Variants in KLF8 observed in about 807,000 individuals in gnomAD.
KLF8 encodes the protein KLF transcription factor 8, also known as Krueppel-like factor 8.
A neutral mutation model predicts 18.2 loss-of-function variants in KLF8; 10 were observed. The observed-to-expected ratio is 0.55, with a 90% CI of 0.34 to 0.93. The LOEUF (loss-of-function observed/expected upper bound fraction) is 0.93, where lower values mean the gene tolerates loss of function less well. Ranked by LOEUF, KLF8 falls within the 40% of genes least tolerant of loss-of-function variation. KLF8 has a pLI of 0.02. For missense variants in KLF8, 264 were observed against 277.9 expected (o/e 0.95, Z 0.36); for synonymous variants, 109 against 97.3 (o/e 1.12, Z -0.71).
At chrX:56,187,233 T>C in the KLF8 span, among the ~76,000 whole-genome samples, 1 of 111,773 alleles carries the variant, frequency 8.9e-6, no homozygotes, top group Admixed American at 9.5e-5. Context: ...CATCAGAGAA[T>C]ACTATAAACA....
the KLF8 span, among the ~76,000 whole-genome samples, chrX:56,126,726 CTCTTTT>C: frequency 9.7e-5 from 10 of 103,516 alleles, no homozygotes; most frequent in Admixed American, 9.8e-4. Flanking sequence ...CACTTTCTTT[CTCTTTT>C]TCTTTTTCTT....
chrX:56,219,363 A>G, the KLF8 span, among the ~76,000 whole-genome samples: 1 of 110,954 alleles, frequency 9.0e-6, no homozygotes, highest in South Asian at 3.9e-4. Flanking sequence ...TTAGTGGCCA[A>G]TTATGACAGT....
the KLF8 span, among the ~76,000 whole-genome samples, chrX:56,215,730 G>A: frequency 2.0e-5 from 2 of 100,800 alleles, no homozygotes; most frequent in Non-Finnish European, 3.9e-5. Context: ...GGCTGAGGCA[G>A]GATAATTGCT....
the KLF8 span, among the ~76,000 whole-genome samples, chrX:56,137,239 G>A: frequency 9.2e-6 from 1 of 109,259 alleles, no homozygotes; most frequent in Non-Finnish European, 1.9e-5. Flanking sequence ...ATTTGACCCA[G>A]CCATCCCATT....
intron 1 of KLF8, chrX:56,243,137 A>G (rs927755093): frequency 4.2e-5 from 22 of 518,678 alleles, no homozygotes; most frequent in Admixed American, 4.6e-5. Context: ...GTTGTCTCCT[A>G]TCTTCTTCAT....
At chrX:56,207,811 C>T in the KLF8 span, among the ~76,000 whole-genome samples, 3 of 110,356 alleles carry the variant, frequency 2.7e-5, no homozygotes, top group Admixed American at 2.9e-4. Context: ...ACACCCCACT[C>T]TACCAATACC....
At chrX:56,046,846 T>A in the KLF8 span, among the ~76,000 whole-genome samples, 1 of 111,482 alleles carries the variant, frequency 9.0e-6, no homozygotes, top group Non-Finnish European at 1.9e-5. Context: ...ACCTGATGAC[T>A]ATGTGCTTAG....
At chrX:56,050,457 G>C in the KLF8 span, among the ~76,000 whole-genome samples, 3 of 111,736 alleles carry the variant, frequency 2.7e-5, no homozygotes, top group Non-Finnish European at 5.7e-5. Flanking sequence ...CAGAGATTCT[G>C]GTATGTTGTG....
the KLF8 span, among the ~76,000 whole-genome samples, chrX:56,122,211 T>C: frequency 1.8e-5 from 2 of 111,015 alleles, no homozygotes; most frequent in Non-Finnish European, 3.8e-5. Context: ...GACTGACATA[T>C]ATGAAAAAAA....
At chrX:56,255,453 T>C (rs2066778513) in intron 2 of KLF8, among the ~76,000 whole-genome samples, 1 of 112,586 alleles carries the variant, frequency 8.9e-6, no homozygotes, top group Admixed American at 9.4e-5. Context: ...CTATGTGGAA[T>C]AACAGTGTTG....
At chrX:56,046,492 G>A in the KLF8 span, among the ~76,000 whole-genome samples, 2 of 110,338 alleles carry the variant, frequency 1.8e-5, no homozygotes, top group Non-Finnish European at 3.8e-5. Context: ...GTGTGTTTTT[G>A]TTGTATATGT....
the KLF8 span, among the ~76,000 whole-genome samples, chrX:56,190,383 G>T: frequency 2.7e-5 from 3 of 111,499 alleles, no homozygotes; most frequent in African/African-American, 9.8e-5. Context: ...ATTAGAGCTG[G>T]AGACTCCTGT....
At chrX:56,125,384 T>C in the KLF8 span, among the ~76,000 whole-genome samples, 1 of 111,847 alleles carries the variant, frequency 8.9e-6, no homozygotes, top group South Asian at 3.8e-4. Context: ...ATACTAAAGA[T>C]GGAATAGATA....
chrX:56,284,233 G>A lies in KLF8; in HGVS notation c.899-80G>A, dbSNP rs748772223. ...AGCCTTTTCACTAAAGCCTTGATAC[G>A]AGTTATGTATTCTATTATCTTTCTA... is the stretch of plus-strand genomic sequence containing the variant. On this transcript the variant is annotated intron_variant, in intron 5 of 5. Transcript: ENST00000468660. 2.1e-5 allele frequency: 16 copies of A among 776,848 alleles called. No individual in the cohort carries two copies. The Admixed American group carries it at 4.6e-4, about 22-fold the overall frequency. 64.0% of individuals were successfully genotyped at this position (776,848 alleles called of 1,213,427 possible). A position where few individuals can be genotyped will look rare whatever the true frequency, so the allele number is the denominator to read the frequency against.
the KLF8 span, among the ~76,000 whole-genome samples, chrX:56,077,724 A>C: frequency 9.0e-6 from 1 of 111,607 alleles, no homozygotes; most frequent in Non-Finnish European, 1.9e-5. Flanking sequence ...TCTATAAATT[A>C]CCTTGGGCAG....
the KLF8 span, among the ~76,000 whole-genome samples, chrX:56,087,287 G>A: frequency 9.0e-6 from 1 of 111,035 alleles, no homozygotes; most frequent in Admixed American, 9.6e-5. Context: ...GTTATCCCCA[G>A]TGTTGGAGGT....
chrX:55,924,093 C>T, the KLF8 span, among the ~76,000 whole-genome samples: 1 of 110,621 alleles, frequency 9.0e-6, no homozygotes, highest in Non-Finnish European at 1.9e-5. Context: ...TTTTTTGAGA[C>T]GAGTCTCGCT....
the KLF8 span, among the ~76,000 whole-genome samples, chrX:56,029,271 C>G: frequency 9.0e-6 from 1 of 111,170 alleles, no homozygotes; most frequent in Admixed American, 9.6e-5. Context: ...CTCCTGTTCC[C>G]GGTAACTTCA....
the KLF8 span, among the ~76,000 whole-genome samples, chrX:56,082,198 T>A: frequency 1.8e-5 from 2 of 112,119 alleles, no homozygotes; most frequent in East Asian, 5.6e-4. Flanking sequence ...TGCATTTCTA[T>A]GAATTTTAAA....
Sources: allele counts gnomAD v4.1 joint callset (sites outside exome capture counted in the v4.1 genomes callset), GRCh38; gene constraint gnomAD v4.1.1; transcripts MANE v1.5; gene names NCBI Gene and HGNC (gene_info 2026-07-23, HGNC 2026-07-21).